The following GLRB variants were observed in gnomAD, a reference collection of about 807,000 sequenced individuals.
GLRB encodes the protein glycine receptor beta, also known as glycine receptor subunit beta.
Under a neutral mutation model 54.2 loss-of-function variants are expected in GLRB, and 33 were observed. The observed-to-expected ratio is 0.61, with a 90% CI of 0.46 to 0.81. GLRB has a LOEUF of 0.81. GLRB is among the 40% of genes least tolerant of loss of function. The pLI is 0.00. For missense variants in GLRB, 572 were observed against 584.6 expected (o/e 0.98, Z 0.22); for synonymous variants, 209 against 208.2 (o/e 1.00, Z -0.03).
intron 8 of GLRB, among the ~76,000 whole-genome samples, chr4:157,147,083 G>A (rs1736840073): frequency 6.6e-6 from 1 of 152,136 alleles, no homozygotes; most frequent in Non-Finnish European, 1.5e-5. Context: ...TCAGTTAGGT[G>A]GAGATATCAG....
chr4:157,151,899 G>A (rs550760349), intron 8 of GLRB, among the ~76,000 whole-genome samples: 21 of 152,112 alleles, frequency 1.4e-4, no homozygotes, highest in Non-Finnish European at 2.6e-4. Context: ...CACTGAATGA[G>A]GTTCCTTTTC....
In GLRB at chr4:157,136,849, C is replaced by T. The variant is rs1260090037; in HGVS notation, c.573C>T (p.Pro191=). ...LSCPLDLTLF[P]MDTQRCKMQL... ...GCCCTTTGGACTTGACATTGTTTCCCATGGATACACAACGTTGCAAGATGC... is the reference window on the plus strand; with the variant it reads ...GCCCTTTGGACTTGACATTGTTTCCTATGGATACACAACGTTGCAAGATGC... The change falls in exon 6 of 10, where the codon CCC becomes CCT. Residue 191 remains proline (P), a synonymous_variant. Coordinates refer to ENST00000264428, the MANE Select transcript of GLRB (RefSeq NM_000824.5). 4 of 1,609,448 alleles carry T rather than the reference C, an allele frequency of 2.5e-6. No homozygotes were observed. In the Admixed American group the frequency reaches 5.0e-5, roughly 20 times the overall value.
intron 2 of GLRB, among the ~76,000 whole-genome samples, chr4:157,101,343 G>T (rs1042297401): frequency 1.3e-5 from 2 of 151,884 alleles, no homozygotes; most frequent in Non-Finnish European, 2.9e-5. Context: ...ATACAATGTA[G>T]TATATTCCAT....
At chr4:157,133,380 A>G (rs1736285962) in intron 4 of GLRB, among the ~76,000 whole-genome samples, 1 of 151,912 alleles carries the variant, frequency 6.6e-6, no homozygotes, top group Non-Finnish European at 1.5e-5. Flanking sequence ...ATTTAGACCC[A>G]GATTTCTCTA....
intron 4 of GLRB, among the ~76,000 whole-genome samples, chr4:157,126,222 C>G (rs1396316007): frequency 1.3e-5 from 2 of 151,758 alleles, no homozygotes; most frequent in Non-Finnish European, 1.5e-5. Context: ...TTTGTTTTTG[C>G]TTTTTTTCTC....
At chr4:157,087,750 T>C (rs906395572) in intron 2 of GLRB, among the ~76,000 whole-genome samples, 1 of 152,056 alleles carries the variant, frequency 6.6e-6, no homozygotes, top group African/African-American at 2.4e-5. Context: ...CTACCAAATT[T>C]TCACAGATTA....
Position 157,170,550 on chromosome 4 carries a change from G to A in GLRB, c.1316G>A (p.Gly439Glu). ...DFELSNYDCY[G>E]KPIEVNNGLG... The stretch of plus-strand genomic sequence containing the variant: ...GAACTATCCAATTATGACTGCTATG[G>A]AAAACCCATTGAAGTTAACAACGGA... Residue 439 changes from glycine (G) to glutamate (E), a missense_variant, in exon 10 of 10, where the codon GGA becomes GAA. By Grantham distance (98) the Gly-to-Glu change is moderately conservative. Coordinates refer to ENST00000264428, the MANE Select transcript of GLRB (RefSeq NM_000824.5). 6.2e-7 allele frequency: 1 copy of A among 1,613,128 alleles called. No homozygotes were observed. The highest frequency in any genetic ancestry group is 8.5e-7 in the Non-Finnish European group (1 of 1,179,272).
chr4:157,078,297 G>T, intron 2 of GLRB, 151 bp downstream of exon 2: 1 of 1,338,168 alleles, frequency 7.5e-7, no homozygotes, highest in Non-Finnish European at 1.0e-6. Flanking sequence ...ATAGGGTGAG[G>T]AGAGGTTTAG....
intron 1 of GLRB, 74 bp downstream of exon 1, chr4:157,076,371 A>G: frequency 6.6e-6 from 1 of 151,902 alleles, no homozygotes; most frequent in Non-Finnish European, 1.5e-5. Context: ...GGACGGGAAT[A>G]GACGCCTTTG....
chr4:157,146,367 A>G (rs1015374553), intron 8 of GLRB, among the ~76,000 whole-genome samples: 1 of 152,168 alleles, frequency 6.6e-6, no homozygotes, highest in Non-Finnish European at 1.5e-5. Flanking sequence ...GCTTTTACAC[A>G]TGATCTGACT....
chr4:157,115,204 T>C (rs1446436783), intron 2 of GLRB, among the ~76,000 whole-genome samples: 1 of 151,516 alleles, frequency 6.6e-6, no homozygotes, highest in African/African-American at 2.4e-5. Context: ...TTGGGAACCC[T>C]CTCAGTTTGT....
At chr4:157,109,869 G>A (rs972608666) in intron 2 of GLRB, among the ~76,000 whole-genome samples, 4 of 152,006 alleles carry the variant, frequency 2.6e-5, no homozygotes, top group East Asian at 1.9e-4. Context: ...TGCACAGAAC[G>A]AGGCATGTGA....
rs973686389 is a variant in GLRB, at chr4:157,076,272, G to A, written c.-55G>A. The A allele has an allele frequency of 6.6e-6, 1 of 151,474 alleles. No individual in the cohort carries two copies. The highest frequency in any genetic ancestry group is 2.4e-5 in the African/African-American group (1 of 41,378). 9.4% of individuals were successfully genotyped at this position (151,474 alleles called of 1,614,324 possible). A position where few individuals can be genotyped will look rare whatever the true frequency, so the allele number is the denominator to read the frequency against. ...CCCGGAGCCTCCACGATCTCGCCCG[G>A]CGATTGTGGGCAGGGGCGCCTCCGG... On this transcript the variant is annotated 5_prime_UTR_variant, in exon 1 of 10. Coordinates refer to ENST00000264428, the MANE Select transcript of GLRB (RefSeq NM_000824.5).
intron 9 of GLRB, among the ~76,000 whole-genome samples, chr4:157,161,200 C>A (rs1737473388): frequency 6.6e-6 from 1 of 152,136 alleles, no homozygotes; most frequent in Non-Finnish European, 1.5e-5. Flanking sequence ...TTCCTCCTTC[C>A]CTTTATTTTG....
At chr4:157,162,234 C>A (rs12650169) in intron 9 of GLRB, among the ~76,000 whole-genome samples, 56,264 of 151,996 alleles carry the variant, frequency 0.37, 12,555 homozygotes, top group African/African-American at 0.63. Context: ...CCATTCATCT[C>A]GTCTTTTTTC....
intron 2 of GLRB, among the ~76,000 whole-genome samples, chr4:157,090,117 A>G (rs778512817): frequency 1.3e-5 from 2 of 152,270 alleles, no homozygotes; most frequent in South Asian, 2.1e-4. Flanking sequence ...CTCATCCTCT[A>G]CAACAGTGGA....
chr4:157,124,383 A>G (rs1184372094), intron 4 of GLRB, among the ~76,000 whole-genome samples: 1 of 151,746 alleles, frequency 6.6e-6, no homozygotes, highest in Admixed American at 6.6e-5. Context: ...TAGCTTCTAT[A>G]CTGTAATTAA....
chr4:157,159,106 G>A (rs1359272499), intron 9 of GLRB, among the ~76,000 whole-genome samples: 3 of 152,128 alleles, frequency 2.0e-5, no homozygotes, highest in African/African-American at 4.8e-5. Flanking sequence ...ATGAATGGGA[G>A]TTCGCTCATG....
At chr4:157,125,477 C>A (rs1735983814) in intron 4 of GLRB, among the ~76,000 whole-genome samples, 1 of 151,830 alleles carries the variant, frequency 6.6e-6, no homozygotes, top group Non-Finnish European at 1.5e-5. Context: ...GTGATGATGA[C>A]TTTTTGGTTG....
Sources: gnomAD v4.1 joint callset for allele counts (sites outside exome capture counted in the v4.1 genomes callset) on GRCh38, gnomAD v4.1.1 for gene constraint, MANE v1.5 for transcripts, NCBI Gene and HGNC (gene_info 2026-07-23, HGNC 2026-07-21) for gene names.